BIRC6: variants seen among roughly 807,000 people sequenced by gnomAD.
The protein encoded by BIRC6 is baculoviral IAP repeat containing 6.
BIRC6 carries 98 observed loss-of-function variants against 503.3 expected under a neutral mutation model. The observed-to-expected ratio is 0.19, with a 90% CI of 0.17 to 0.23. The LOEUF is 0.23. BIRC6 is among the 10% of genes least tolerant of loss of function. The pLI, the probability that BIRC6 is intolerant of heterozygous loss-of-function variation, is 1.00. For synonymous variants in BIRC6, 2,240 were observed against 2,078.7 expected (o/e 1.08, Z -2.11); for missense variants, 5,360 against 5,806.0 (o/e 0.92, Z 2.50).
rs777783445 is a variant in BIRC6 at position 32,388,955 on chromosome 2, G to GCTAA, written c.839+14_839+17dup. On this transcript the variant is annotated intron_variant, in intron 4 of 73. Coordinates refer to ENST00000421745, the MANE Select transcript of BIRC6 (RefSeq NM_016252.4). ...CGTTCTGTAGACAGGTATGAACCTT[G>GCTAA]CTAACAAAGGTGACAGTGAGATAGA... The GCTAA allele has an allele frequency of 2.1e-6, 3 of 1,401,466 alleles. No homozygotes were observed. The East Asian group carries it at 7.9e-5, about 37-fold the overall frequency. 86.8% of individuals were successfully genotyped at this position (1,401,466 alleles called of 1,614,324 possible).
At chr2:32,498,133 C>T (rs1572631745) in intron 45 of BIRC6, among the ~76,000 whole-genome samples, 1 of 152,256 alleles carries the variant, frequency 6.6e-6, no homozygotes, top group Non-Finnish European at 1.5e-5. Flanking sequence ...GCGATCTTGG[C>T]TCTCTGCAAC....
At chr2:32,567,247 G>A (rs2059599020) in intron 65 of BIRC6, among the ~76,000 whole-genome samples, 1 of 152,228 alleles carries the variant, frequency 6.6e-6, no homozygotes, top group African/African-American at 2.4e-5. Flanking sequence ...TGGGATTACA[G>A]GCGTGAGCCA....
chr2:32,422,106 G>T (rs1019486659), intron 10 of BIRC6, among the ~76,000 whole-genome samples: 1 of 151,980 alleles, frequency 6.6e-6, no homozygotes, highest in African/African-American at 2.4e-5. Flanking sequence ...AAATCACTCT[G>T]GTTTTCTTAT....
Position 32,508,114 on chromosome 2 carries a change from T to G in BIRC6, c.9835T>G (p.Cys3279Gly), listed in dbSNP as rs1422740462. The G allele has an allele frequency of 5.6e-6, 9 of 1,613,838 alleles. No homozygotes were observed. Among genetic ancestry groups the G allele is most frequent in the Non-Finnish European group, 7.6e-6 (9 of 1,179,894 alleles). The change falls in exon 51 of 74, where the codon TGC becomes GGC. Residue 3279 changes from cysteine to glycine, a missense_variant. By Grantham distance (159) the Cys-to-Gly change is radical. Coordinates refer to ENST00000421745, the MANE Select transcript of BIRC6 (RefSeq NM_016252.4). The stretch of plus-strand genomic sequence containing the variant: ...AAAAGCCGAAGTAGCTTCTGCTGTC[T>G]GCCTTAGACTACATCGTCCACGGGA... ...LVKAEVASAV[C>G]LRLHRPRDAS...
At chr2:32,574,888 C>T in intron 65 of BIRC6, 2 of 437,724 alleles carry the variant, frequency 4.6e-6, no homozygotes, top group Non-Finnish European at 8.5e-6. Context: ...GCTGAGATTA[C>T]AGGCATGCGC....
chr2:32,510,532 A>G lies in BIRC6; in HGVS notation c.10244A>G (p.Asn3415Ser), dbSNP rs2054284844. The G allele has an allele frequency of 6.3e-7, 1 of 1,579,494 alleles. No homozygotes were observed. The highest frequency in any genetic ancestry group is 8.7e-7 in the Non-Finnish European group (1 of 1,150,424). ...TTGGATTCTTTGTTGCAAGATTTGA[A>G]TAGTCCTTTACTTTTTGGAAGACTA... ...AASGSDPTDL[N>S]SPLLFGRLNG... The change falls in exon 53 of 74, where the codon AAT (asparagine) becomes AGT (serine). Residue 3415 changes from asparagine to serine, a missense_variant. Physicochemically the swap from Asn to Ser is conservative, Grantham distance 46. This residue lies in a region of BIRC6 where 878 missense variants were observed against 928.9 expected (regional missense o/e 0.95). Coordinates refer to ENST00000421745, the MANE Select transcript of BIRC6 (RefSeq NM_016252.4).
intron 22 of BIRC6, among the ~76,000 whole-genome samples, chr2:32,452,378 T>A (rs902542006): frequency 6.6e-6 from 1 of 152,166 alleles, no homozygotes; most frequent in South Asian, 2.1e-4. Flanking sequence ...TATTATTAAA[T>A]GAATTAATAT....
chr2:32,428,912 A>G (rs2043814314), intron 10 of BIRC6, among the ~76,000 whole-genome samples: 1 of 152,172 alleles, frequency 6.6e-6, no homozygotes, highest in South Asian at 2.1e-4. Flanking sequence ...TAAATACTAG[A>G]TAAATACCTG....
At chr2:32,569,684 T>G (rs1170917398) in intron 65 of BIRC6, among the ~76,000 whole-genome samples, 1 of 152,136 alleles carries the variant, frequency 6.6e-6, no homozygotes, top group East Asian at 1.9e-4. Flanking sequence ...TTTTTTTTTT[T>G]TCTGTAGCTA....
intron 56 of BIRC6, among the ~76,000 whole-genome samples, 171 bp from the exon 57 acceptor site, chr2:32,518,646 G>A (rs1463304262): frequency 6.6e-6 from 1 of 152,170 alleles, no homozygotes; most frequent in East Asian, 1.9e-4. Context: ...AAGGTACAGA[G>A]TGATAATGCA....
intron 49 of BIRC6, among the ~76,000 whole-genome samples, chr2:32,504,265 A>C (rs1276998054): frequency 1.3e-5 from 2 of 152,102 alleles, no homozygotes; most frequent in South Asian, 4.2e-4. Flanking sequence ...TAGTTTACAT[A>C]GTTTCTTTTA....
chr2:32,427,754 G>A (rs1011998392), intron 10 of BIRC6, among the ~76,000 whole-genome samples: 4 of 152,134 alleles, frequency 2.6e-5, no homozygotes, highest in African/African-American at 9.7e-5. Context: ...GTGTGTGTGT[G>A]TGTGTTTTAC....
In BIRC6 at chr2:32,369,926, T is replaced by TAAAAAAAA. The variant is rs756693528; in HGVS notation, c.326-7649_326-7642dup. Reference sequence around the variant, plus strand: ...GGCAACATAGTGAGACCCTGTCTCTTAAAAAAAAAAAAAAAAAAAATATAT... The same window carrying TAAAAAAAA: ...GGCAACATAGTGAGACCCTGTCTCTTAAAAAAAAAAAAAAAAAAAAAAAAAAAATATAT... On this transcript the variant is annotated intron_variant, in intron 1 of 73. Transcript: ENST00000421745. Among the ~76,000 whole-genome samples the TAAAAAAAA allele has an allele frequency of 6.6e-4, 25 of 37,778 alleles. 3 individuals carry two copies. The highest frequency in any genetic ancestry group is 1.4e-3 in the South Asian group (1 of 730). 24.8% of individuals were successfully genotyped at this position (37,778 alleles called of 152,430 possible).
chr2:32,368,949 T>C (rs1314280677), intron 1 of BIRC6, among the ~76,000 whole-genome samples: 2 of 152,166 alleles, frequency 1.3e-5, no homozygotes, highest in Non-Finnish European at 2.9e-5. Flanking sequence ...ACTGTGTCAT[T>C]ATGGCATTAA....
chr2:32,364,680 T>G (rs1433979788), intron 1 of BIRC6, among the ~76,000 whole-genome samples: 1 of 152,102 alleles, frequency 6.6e-6, no homozygotes, highest in African/African-American at 2.4e-5. Flanking sequence ...GACTTTGATT[T>G]GAGAAATTTG....
intron 66 of BIRC6, among the ~76,000 whole-genome samples, chr2:32,589,036 C>CT (rs900457856): frequency 8.0e-4 from 122 of 151,918 alleles, no homozygotes; most frequent in South Asian, 1.9e-3. Context: ...GGAACAAAGC[C>CT]TTTTTTTTAT....
intron 1 of BIRC6, among the ~76,000 whole-genome samples, chr2:32,376,577 T>G (rs1209747381): frequency 6.6e-6 from 1 of 152,158 alleles, no homozygotes; most frequent in African/African-American, 2.4e-5. Flanking sequence ...GTTTTCTTAA[T>G]TTTTTAGATA....
chr2:32,515,028 T>C lies in BIRC6; in HGVS notation c.10607T>C (p.Met3536Thr). The C allele has an allele frequency of 1.2e-6, 2 of 1,613,920 alleles. No homozygotes were observed. The highest frequency in any genetic ancestry group is 1.7e-6 in the Non-Finnish European group (2 of 1,179,820). The change falls in exon 55 of 74, where the codon ATG becomes ACG. Residue 3536 changes from methionine to threonine, a missense_variant. Coordinates refer to ENST00000421745, the MANE Select transcript of BIRC6 (RefSeq NM_016252.4). Reference sequence around the variant, plus strand: ...TGGTCCATGTCTCTTCCCTGCAATATGGTTTTGAAGAAAGCTGTTGACAGT... The same window carrying C: ...TGGTCCATGTCTCTTCCCTGCAATACGGTTTTGAAGAAAGCTGTTGACAGT... ...FNWSMSLPCNMVLKKAVDSLL... is the reference protein window; with the variant it reads ...FNWSMSLPCNTVLKKAVDSLL...
At position 32,442,374 on chromosome 2, in the gene BIRC6, C is replaced by T; in HGVS notation, c.4157C>T (p.Ser1386Leu). The change falls in exon 19 of 74, where the codon TCA (serine) becomes TTA (leucine). Residue 1386 changes from serine (S) to leucine (L), a missense_variant. Ser to Leu is a moderately radical substitution (Grantham distance 145). Around this residue, in one of 16 missense-constraint regions of BIRC6, gnomAD observed 2,299 missense variants for 2,267.2 expected, o/e 1.01. Coordinates refer to ENST00000421745, the MANE Select transcript of BIRC6 (RefSeq NM_016252.4). ...NLLSKTRKFL[S>L]DIVRVCFFEA... ...CTTTCAAAAACACGAAAATTTCTGTCAGACATCGTACGTGTTTGCTTCTTT... is the reference window on the plus strand; with the variant it reads ...CTTTCAAAAACACGAAAATTTCTGTTAGACATCGTACGTGTTTGCTTCTTT... 6.2e-7 allele frequency: 1 copy of T among 1,612,044 alleles called. No individual in the cohort carries two copies. The highest frequency in any genetic ancestry group is 8.5e-7 in the Non-Finnish European group (1 of 1,178,936).
Sources: allele counts gnomAD v4.1 joint callset (sites outside exome capture counted in the v4.1 genomes callset), GRCh38; gene constraint gnomAD v4.1.1; regional missense constraint gnomAD v4.1.1; transcripts MANE v1.5; gene names NCBI Gene and HGNC (gene_info 2026-07-23, HGNC 2026-07-21).